The following PRKCE variants were observed in gnomAD, a reference collection of about 807,000 sequenced individuals.
PRKCE encodes the protein protein kinase C epsilon type.
PRKCE carries 16 observed loss-of-function variants against 85.4 expected under a neutral mutation model. The observed-to-expected ratio is 0.19, with a 90% CI of 0.13 to 0.28. The LOEUF (loss-of-function observed/expected upper bound fraction) is 0.28. PRKCE is among the 10% of genes least tolerant of loss of function. The pLI, the probability that PRKCE is intolerant of heterozygous loss-of-function variation, is 1.00. For missense variants in PRKCE, 573 were observed against 975.2 expected (o/e 0.59, Z 5.49); for synonymous variants, 388 against 371.5 (o/e 1.04, Z -0.51).
chr2:45,802,099 A>AC (rs1391963564), intron 1 of PRKCE, among the ~76,000 whole-genome samples: 48 of 150,484 alleles, frequency 3.2e-4, no homozygotes, highest in Non-Finnish European at 5.2e-4. Context: ...AAAAAAAAAA[A>AC]AAAACACCCA....
At position 46,168,806 on chromosome 2, in the gene PRKCE, G is replaced by A. The variant is rs143591942; in HGVS notation, c.2067+9054G>A. Reference sequence around the variant, plus strand: ...GGGCCTCTGGGGAGGCTGGGAGCCAGCGTTTCTGTGGGTCCTGAGAGCCTA... The same window carrying A: ...GGGCCTCTGGGGAGGCTGGGAGCCAACGTTTCTGTGGGTCCTGAGAGCCTA... On this transcript the variant is annotated intron_variant, in intron 14 of 14. Transcript: ENST00000306156. Among the ~76,000 whole-genome samples, 806 of 152,292 alleles carry A rather than the reference G, an allele frequency of 5.3e-3. 10 individuals carry two copies. Among genetic ancestry groups the A allele is most frequent in the African/African-American group, 0.018 (764 of 41,578 alleles).
intron 1 of PRKCE, among the ~76,000 whole-genome samples, chr2:45,751,365 AATTAT>A (rs1463065655): frequency 1.3e-5 from 2 of 152,190 alleles, no homozygotes; most frequent in African/African-American, 4.8e-5. Flanking sequence ...ATCATTATAT[AATTAT>A]ATTAGGACTA....
intron 1 of PRKCE, among the ~76,000 whole-genome samples, chr2:45,659,342 C>G (rs111348053): frequency 2.6e-5 from 4 of 152,208 alleles, no homozygotes; most frequent in African/African-American, 9.7e-5. Context: ...TCAGCAACAT[C>G]TGCTCTTTCT....
chr2:46,071,718 T>C (rs1163205671), intron 10 of PRKCE, among the ~76,000 whole-genome samples: 1 of 152,248 alleles, frequency 6.6e-6, no homozygotes, highest in Non-Finnish European at 1.5e-5. Context: ...CCACTCTGTT[T>C]AGATAACGAA....
chr2:46,029,347 A>C (rs1324403463), intron 10 of PRKCE, among the ~76,000 whole-genome samples: 1 of 152,138 alleles, frequency 6.6e-6, no homozygotes, highest in Non-Finnish European at 1.5e-5. Context: ...TAATATGTTA[A>C]ATTTACATGG....
At chr2:45,719,145 C>G (rs1476881446) in intron 1 of PRKCE, among the ~76,000 whole-genome samples, 1 of 152,268 alleles carries the variant, frequency 6.6e-6, no homozygotes, top group Admixed American at 6.5e-5. Context: ...GTGGGCGGTG[C>G]TAGGATGGGC....
chr2:45,921,502 T>C (rs1698247015), intron 2 of PRKCE, among the ~76,000 whole-genome samples: 1 of 152,212 alleles, frequency 6.6e-6, no homozygotes, highest in Non-Finnish European at 1.5e-5. Flanking sequence ...ACCCAACAAG[T>C]TATGTACTAT....
intron 2 of PRKCE, among the ~76,000 whole-genome samples, chr2:45,885,609 G>A (rs1203513208): frequency 6.6e-6 from 1 of 152,150 alleles, no homozygotes; most frequent in Non-Finnish European, 1.5e-5. Context: ...ATGGCCATTT[G>A]GGCAGTGCAT....
chr2:45,804,766 G>A (rs920090791), intron 1 of PRKCE, among the ~76,000 whole-genome samples: 12 of 152,132 alleles, frequency 7.9e-5, no homozygotes, highest in African/African-American at 2.9e-4. Flanking sequence ...TAACATTACT[G>A]GCAGTCGGCT....
intron 1 of PRKCE, among the ~76,000 whole-genome samples, chr2:45,775,746 G>A (rs996833413): frequency 5.9e-5 from 9 of 152,062 alleles, no homozygotes; most frequent in African/African-American, 1.9e-4. Context: ...CTCGGGTTAC[G>A]TTATTCTTCT....
At chr2:45,687,329 AAAG>A (rs1677374660) in intron 1 of PRKCE, among the ~76,000 whole-genome samples, 1 of 152,226 alleles carries the variant, frequency 6.6e-6, no homozygotes, top group Non-Finnish European at 1.5e-5. Flanking sequence ...TTGACAGAAA[AAAG>A]AAATATACAT....
chr2:45,802,445 T>C (rs1687940407), intron 1 of PRKCE, among the ~76,000 whole-genome samples: 1 of 152,206 alleles, frequency 6.6e-6, no homozygotes, highest in African/African-American at 2.4e-5. Flanking sequence ...AGTGATAGTA[T>C]CTTAGATAAG....
At chr2:45,925,523 T>C (rs936785705) in intron 2 of PRKCE, among the ~76,000 whole-genome samples, 2 of 152,182 alleles carry the variant, frequency 1.3e-5, no homozygotes, top group Non-Finnish European at 2.9e-5. Context: ...CTCGAACTCC[T>C]GACCTCAGGT....
chr2:46,038,607 G>C (rs748043944), intron 10 of PRKCE, among the ~76,000 whole-genome samples: 2 of 146,334 alleles, frequency 1.4e-5, no homozygotes, highest in Non-Finnish European at 3.0e-5. Context: ...CTTTGGTGTA[G>C]TATTAAATAT....
chr2:45,797,324 G>A (rs569327157), intron 1 of PRKCE, among the ~76,000 whole-genome samples: 1 of 152,258 alleles, frequency 6.6e-6, no homozygotes, highest in African/African-American at 2.4e-5. Context: ...AGGGAGCCAC[G>A]CATGTCCTTG....
In PRKCE at chr2:46,174,246, G is replaced by A. The variant is rs575760364; in HGVS notation, c.2068-10489G>A. The stretch of plus-strand genomic sequence containing the variant: ...CCTAGCTGCCAGGACCCTTTCCGTT[G>A]GGCTGGGGAATGGTGGGCCAAGTGG... On this transcript the variant is annotated intron_variant, in intron 14 of 14. Coordinates refer to ENST00000306156, the MANE Select transcript of PRKCE (RefSeq NM_005400.3). Among the ~76,000 whole-genome samples, 3 of 152,318 alleles carry A rather than the reference G, an allele frequency of 2.0e-5. No individual in the cohort carries two copies. The South Asian group carries it at 6.2e-4, about 32-fold the overall frequency.
chr2:45,800,998 G>A (rs1269715853), intron 1 of PRKCE, among the ~76,000 whole-genome samples: 1 of 152,164 alleles, frequency 6.6e-6, no homozygotes, highest in Non-Finnish European at 1.5e-5. Context: ...TCCTCAACAA[G>A]TCTCAGAAGA....
chr2:45,752,461 G>A (rs1212994278), intron 1 of PRKCE, among the ~76,000 whole-genome samples: 1 of 152,014 alleles, frequency 6.6e-6, no homozygotes. Flanking sequence ...CTGTTTAATG[G>A]AACTAATTCA....
chr2:45,878,988 G>A (rs188513381), intron 2 of PRKCE, among the ~76,000 whole-genome samples: 29 of 152,242 alleles, frequency 1.9e-4, no homozygotes, highest in Admixed American at 6.5e-4. Context: ...AATTCTAGAC[G>A]GAAAAGGGCT....
Sources: gnomAD v4.1 joint callset for allele counts (sites outside exome capture counted in the v4.1 genomes callset) on GRCh38, gnomAD v4.1.1 for gene constraint, MANE v1.5 for transcripts, NCBI Gene and HGNC (gene_info 2026-07-23, HGNC 2026-07-21) for gene names.